The following BICC1 variants were observed in gnomAD, a reference collection of about 807,000 sequenced individuals.
BICC1 encodes BicC family RNA binding protein 1, also known as protein bicaudal C homolog 1.
A neutral mutation model predicts 111.0 loss-of-function variants in BICC1; 43 were observed. The ratio of observed to expected loss-of-function variants is 0.39; its 90% CI spans 0.30 to 0.50. The LOEUF (loss-of-function observed/expected upper bound fraction) is 0.50, where lower values mean the gene tolerates loss of function less well. Ranked by LOEUF, BICC1 falls within the 20% of genes least tolerant of loss-of-function variation. The pLI is 0.88. For synonymous variants in BICC1, 467 were observed against 434.4 expected (o/e 1.07, Z -0.93); for missense variants, 1,091 against 1,203.2 (o/e 0.91, Z 1.38).
chr10:58,655,319 G>A (rs890022709), intron 2 of BICC1, among the ~76,000 whole-genome samples: 44 of 140,818 alleles, frequency 3.1e-4, no homozygotes, highest in African/African-American at 1.2e-3. Context: ...CCATGAGCAT[G>A]GAATGTTCTT....
At chr10:58,519,580 A>G (rs560510367) in intron 1 of BICC1, among the ~76,000 whole-genome samples, 17 of 152,318 alleles carry the variant, frequency 1.1e-4, no homozygotes, top group African/African-American at 4.1e-4. Context: ...CAGTAACATT[A>G]TATATCAGTA....
intron 1 of BICC1, among the ~76,000 whole-genome samples, chr10:58,564,145 T>C (rs1564489600): frequency 1.3e-5 from 2 of 152,226 alleles, no homozygotes; most frequent in South Asian, 4.1e-4. Flanking sequence ...ATTTTGAGTA[T>C]TGTTTTGGTC....
chr10:58,613,566 T>C (rs1177189764), intron 1 of BICC1, among the ~76,000 whole-genome samples: 1 of 152,198 alleles, frequency 6.6e-6, no homozygotes, highest in Non-Finnish European at 1.5e-5. Context: ...TATATTTTTT[T>C]CTTCCGATCC....
intron 3 of BICC1, among the ~76,000 whole-genome samples, chr10:58,753,231 T>C (rs1372307900): frequency 6.6e-6 from 1 of 152,160 alleles, no homozygotes; most frequent in Non-Finnish European, 1.5e-5. Context: ...GGCATGATCA[T>C]GATCATAGTT....
At chr10:58,517,215 T>A (rs1274663374) in intron 1 of BICC1, among the ~76,000 whole-genome samples, 3 of 152,096 alleles carry the variant, frequency 2.0e-5, no homozygotes, top group African/African-American at 7.2e-5. Context: ...ATGGCCTATT[T>A]TCATGAAAGG....
intron 8 of BICC1, 114 bp downstream of exon 8, chr10:58,790,047 C>G (rs921374289): frequency 3.8e-5 from 45 of 1,197,498 alleles, no homozygotes; most frequent in Non-Finnish European, 4.7e-5. Flanking sequence ...GAAGCCTCGT[C>G]AAATAAGGAA....
intron 1 of BICC1, among the ~76,000 whole-genome samples, chr10:58,589,081 C>T (rs1469549270): frequency 6.6e-6 from 1 of 152,166 alleles, no homozygotes. Flanking sequence ...CCGGTGACAC[C>T]GGTGACGGTG....
chr10:58,781,798 C>A (rs1842891154), intron 3 of BICC1, among the ~76,000 whole-genome samples: 1 of 152,038 alleles, frequency 6.6e-6, no homozygotes. Flanking sequence ...AAATTAAGAT[C>A]AACCTGGAAA....
At chr10:58,512,718 G>A (rs752664490), upstream of BICC1, among the ~76,000 whole-genome samples, 38 of 151,920 alleles carry the variant, frequency 2.5e-4, no homozygotes, top group Non-Finnish European at 4.6e-4. Flanking sequence ...CGTGGTGTGT[G>A]TGTGCGCGCG....
chr10:58,705,702 CT>C (rs1457368346), intron 3 of BICC1, among the ~76,000 whole-genome samples: 3 of 152,118 alleles, frequency 2.0e-5, no homozygotes, highest in Non-Finnish European at 4.4e-5. Context: ...ATTATTTAAA[CT>C]TTTTTTAATT....
rs1466405195 is a variant in BICC1, at chr10:58,522,311, C to T, written c.190+8978C>T. ...CATTGTAGAAATTTTTAAAGCAATA[C>T]ACTCCTTAGCAAATGTAAAAGAACA... On this transcript the variant is annotated intron_variant, in intron 1 of 20. Transcript: ENST00000373886. 1.1e-4 allele frequency among the ~76,000 whole-genome samples: 17 copies of T among 152,002 alleles called. No individual in the cohort carries two copies. In the East Asian group the frequency reaches 2.9e-3, roughly 26 times the overall value.
At chr10:58,652,608 G>C in intron 2 of BICC1, among the ~76,000 whole-genome samples, 1 of 152,046 alleles carries the variant, frequency 6.6e-6, no homozygotes, top group Admixed American at 6.6e-5. Context: ...CATTATCCAC[G>C]TAACACGGTC....
chr10:58,585,604 T>A (rs1233235563), intron 1 of BICC1, among the ~76,000 whole-genome samples: 4 of 152,184 alleles, frequency 2.6e-5, no homozygotes, highest in Non-Finnish European at 5.9e-5. Flanking sequence ...GACCAGTGGA[T>A]CTCATTGTGC....
chr10:58,512,319 C>A (rs918412456), upstream of BICC1, among the ~76,000 whole-genome samples: 4 of 152,128 alleles, frequency 2.6e-5, no homozygotes, highest in Non-Finnish European at 4.4e-5. Context: ...GCGATGCCTG[C>A]GAAAGACGGG....
At chr10:58,649,847 C>G (rs1267820434) in intron 2 of BICC1, among the ~76,000 whole-genome samples, 3 of 40,868 alleles carry the variant, frequency 7.3e-5, no homozygotes, top group Non-Finnish European at 1.0e-4. Flanking sequence ...GGTTTGTTAC[C>G]TAGGATTTGG....
intron 3 of BICC1, among the ~76,000 whole-genome samples, chr10:58,710,991 G>C (rs1231439001): frequency 6.6e-6 from 1 of 152,054 alleles, no homozygotes; most frequent in Non-Finnish European, 1.5e-5. Context: ...TGGGACTACA[G>C]GTGCAAGCCA....
chr10:58,788,439 T>C lies in BICC1; in HGVS notation c.600+16T>C. ...TAGAATTCGGGTAACTATTTATTAC[T>C]TTAACATTGTAAATTGATGTCAGCA... On this transcript the variant is annotated intron_variant, in intron 6 of 20. Transcript: ENST00000373886. 6.3e-7 allele frequency: 1 copy of C among 1,576,046 alleles called. No homozygotes were observed. Among genetic ancestry groups the C allele is most frequent in the Non-Finnish European group, 8.7e-7 (1 of 1,147,072 alleles).
chr10:58,514,239 C>T (rs1244553122), intron 1 of BICC1, among the ~76,000 whole-genome samples: 1 of 152,200 alleles, frequency 6.6e-6, no homozygotes, highest in Non-Finnish European at 1.5e-5. Context: ...TCATTTCCCA[C>T]ATCCAAAGAG....
intron 5 of BICC1, 82 bp from the exon 6 acceptor site, chr10:58,788,288 G>A (rs1843069626): frequency 9.6e-7 from 1 of 1,039,784 alleles, no homozygotes; most frequent in Admixed American, 1.9e-5. Flanking sequence ...GACACTTTTA[G>A]TAGCAAGCAT....
Sources: gnomAD v4.1 joint callset for allele counts (sites outside exome capture counted in the v4.1 genomes callset) on GRCh38, gnomAD v4.1.1 for gene constraint, MANE v1.5 for transcripts, NCBI Gene and HGNC (gene_info 2026-07-23, HGNC 2026-07-21) for gene names.